FABP12: variants seen among roughly 807,000 people sequenced by gnomAD.
FABP12 encodes the protein fatty acid-binding protein 12.
A neutral mutation model predicts 13.7 loss-of-function variants in FABP12; 19 were observed. That is an observed-to-expected ratio of 1.39 (90% CI 0.97 to 2.04). The LOEUF is 2.04. Among genes scored for constraint, FABP12 ranks in the 30% most tolerant of loss-of-function variants. The pLI is 0.00. For missense variants in FABP12, 182 were observed against 164.2 expected (o/e 1.11, Z -0.59); for synonymous variants, 61 against 57.0 (o/e 1.07, Z -0.32).
intron 3 of FABP12, among the ~76,000 whole-genome samples, chr8:81,528,106 G>T (rs904953621): frequency 6.6e-6 from 1 of 151,922 alleles, no homozygotes; most frequent in Non-Finnish European, 1.5e-5. Flanking sequence ...TGGAGATAGG[G>T]TATCACTGTG....
chr8:81,562,387 A>AAG (rs1004085424), intron 1 of FABP12, among the ~76,000 whole-genome samples: 4 of 152,122 alleles, frequency 2.6e-5, no homozygotes, highest in Admixed American at 6.6e-5. Flanking sequence ...GCTTGAGAAA[A>AAG]AGAGAGGGAA....
intron 1 of FABP12, among the ~76,000 whole-genome samples, chr8:81,557,818 T>A (rs1422682631): frequency 6.6e-6 from 1 of 152,250 alleles, no homozygotes; most frequent in Non-Finnish European, 1.5e-5. Flanking sequence ...AAAGCTTTTT[T>A]TTCCTGTAAA....
At chr8:81,585,715 C>G (rs1256857912) in intron 1 of FABP12, among the ~76,000 whole-genome samples, 1 of 152,138 alleles carries the variant, frequency 6.6e-6, no homozygotes, top group Middle Eastern at 3.2e-3. Context: ...CATGGAATAA[C>G]TTCACATTTT....
rs1167487132 is a variant in FABP12 at position 81,541,910 on chromosome 8, TAAAAAAAAAAA to T, written c.-184-2178_-184-2168del. 8.5e-3 allele frequency among the ~76,000 whole-genome samples: 608 copies of T among 71,168 alleles called. 4 individuals are homozygous for T. Among genetic ancestry groups the T allele is most frequent in the African/African-American group, 0.014 (266 of 19,106 alleles). 46.7% of individuals were successfully genotyped at this position (71,168 alleles called of 152,430 possible). A position where few individuals can be genotyped will look rare whatever the true frequency, so the allele number is the denominator to read the frequency against. On this transcript the variant is annotated intron_variant, in intron 1 of 5. Transcript: ENST00000692030. The stretch of plus-strand genomic sequence containing the variant: ...CTGGACTTCCAGGAGTCCCAGGGTT[TAAAAAAAAAAA>T]AAAAAAAAAAAAAAAAAAAAGACAA...
intron 2 of FABP12, 61 bp from the exon 3 acceptor site, chr8:81,529,671 T>A (rs1232937420): frequency 7.4e-7 from 1 of 1,359,140 alleles, no homozygotes; most frequent in Non-Finnish European, 1.0e-6. Context: ...TACATTACAT[T>A]ACAATACAAT....
chr8:81,565,112 AG>A (rs1585852952), intron 1 of FABP12, among the ~76,000 whole-genome samples: 1 of 152,112 alleles, frequency 6.6e-6, no homozygotes, highest in Non-Finnish European at 1.5e-5. Flanking sequence ...ATAATGATAA[AG>A]GGGCCAATTC....
exon 5 of FABP12, chr8:81,525,063 A>T (rs1157317171): frequency 6.3e-7 from 1 of 1,597,974 alleles, no homozygotes; most frequent in Admixed American, 1.7e-5. Flanking sequence ...TTTGAGACTG[A>T]GTTTGATGAT....
intron 1 of FABP12, among the ~76,000 whole-genome samples, chr8:81,532,341 A>C (rs1342437160): frequency 6.6e-6 from 1 of 152,266 alleles, no homozygotes; most frequent in Non-Finnish European, 1.5e-5. Flanking sequence ...TTTTAAGACA[A>C]GAATGGGGAC....
At chr8:81,589,814 G>A (rs1188491714) in intron 1 of FABP12, among the ~76,000 whole-genome samples, 1 of 152,092 alleles carries the variant, frequency 6.6e-6, no homozygotes, top group Non-Finnish European at 1.5e-5. Context: ...GGCTCTGAGT[G>A]GTCTCTCTCT....
At chr8:81,547,552 A>G (rs1255558068) in intron 1 of FABP12, among the ~76,000 whole-genome samples, 1 of 152,244 alleles carries the variant, frequency 6.6e-6, no homozygotes, top group Non-Finnish European at 1.5e-5. Context: ...TAATTGCAGC[A>G]TATCCTGTGA....
At chr8:81,587,771 A>G (rs1810264121) in intron 1 of FABP12, among the ~76,000 whole-genome samples, 1 of 152,080 alleles carries the variant, frequency 6.6e-6, no homozygotes, top group Non-Finnish European at 1.5e-5. Flanking sequence ...AACTAATAGG[A>G]TAGATGTATA....
intron 1 of FABP12, among the ~76,000 whole-genome samples, chr8:81,549,988 ACT>A (rs761223246): frequency 5.9e-5 from 9 of 152,080 alleles, no homozygotes; most frequent in Non-Finnish European, 1.2e-4. Context: ...TGCTTATTAT[ACT>A]CTGTTATAGC....
At chr8:81,579,673 G>A (rs567557119) in intron 1 of FABP12, among the ~76,000 whole-genome samples, 27 of 152,096 alleles carry the variant, frequency 1.8e-4, no homozygotes, top group Non-Finnish European at 4.4e-5. Flanking sequence ...TCATGACTTC[G>A]TTCTTAAGTA....
intron 1 of FABP12, among the ~76,000 whole-genome samples, chr8:81,573,090 T>A (rs1809965671): frequency 3.3e-5 from 5 of 152,246 alleles, no homozygotes. Context: ...AGGTCTTAGA[T>A]TTAAGTCCTT....
chr8:81,546,391 C>T (rs930363240), intron 1 of FABP12, among the ~76,000 whole-genome samples: 2 of 152,042 alleles, frequency 1.3e-5, no homozygotes, highest in Admixed American at 6.6e-5. Context: ...CAGTGGCTCC[C>T]GCCTGTAATC....
Position 81,551,723 on chromosome 8 carries a change from C to A in FABP12, c.-184-11980G>T, listed in dbSNP as rs1809526653. ...TGGAATGCTGAGAAAAATTTCTATC[C>A]AAATTCAACTAGACTTAAACTATAG... On this transcript the variant is annotated intron_variant, in intron 1 of 5. Transcript: ENST00000692030. 2.0e-5 allele frequency among the ~76,000 whole-genome samples: 3 copies of A among 151,958 alleles called. 1 individual carries two copies. In the South Asian group the frequency reaches 6.2e-4, roughly 32 times the overall value.
At chr8:81,588,931 CT>C (rs1464217520) in intron 1 of FABP12, among the ~76,000 whole-genome samples, 1 of 152,124 alleles carries the variant, frequency 6.6e-6, no homozygotes, top group Non-Finnish European at 1.5e-5. Flanking sequence ...ATCACGGGAG[CT>C]TTAAAGGCTT....
intron 1 of FABP12, among the ~76,000 whole-genome samples, chr8:81,550,080 T>C (rs897555413): frequency 2.0e-5 from 3 of 152,178 alleles, no homozygotes; most frequent in Non-Finnish European, 4.4e-5. Context: ...TCCATTTTCT[T>C]TCCAGTGTAT....
At chr8:81,585,405 T>A (rs924008965) in intron 1 of FABP12, among the ~76,000 whole-genome samples, 4 of 152,216 alleles carry the variant, frequency 2.6e-5, no homozygotes, top group African/African-American at 9.6e-5. Flanking sequence ...ATATCTGGAT[T>A]TATATCTGAA....
Sources: allele counts gnomAD v4.1 joint callset (sites outside exome capture counted in the v4.1 genomes callset), GRCh38; gene constraint gnomAD v4.1.1; transcripts MANE v1.5; gene names NCBI Gene and HGNC (gene_info 2026-07-23, HGNC 2026-07-21).